Variants in SAMSN1 observed in about 807,000 individuals in gnomAD.
SAMSN1 encodes the protein SAM domain-containing protein SAMSN-1.
In SAMSN1, 31 loss-of-function variants were observed where a neutral mutation model predicts 42.0. The ratio of observed to expected loss-of-function variants is 0.74; its 90% CI spans 0.55 to 1.00. SAMSN1 has a LOEUF of 1.00. SAMSN1 is among the 50% of genes least tolerant of loss of function. The pLI is 0.00. For synonymous variants in SAMSN1, 178 were observed against 151.9 expected, an observed-to-expected ratio of 1.17 and a Z score of -1.26; for missense variants, 464 against 439.4, an observed-to-expected ratio of 1.06 and a Z score of -0.50.
chr21:14,513,872 G>A (rs1987794798), intron 3 of SAMSN1, among the ~76,000 whole-genome samples: 1 of 152,184 alleles, frequency 6.6e-6, no homozygotes. Flanking sequence ...TGAGAAAGGA[G>A]AATATTAGTG....
At chr21:14,648,485 C>A (rs983067341) in intron 1 of SAMSN1, among the ~76,000 whole-genome samples, 2 of 152,096 alleles carry the variant, frequency 1.3e-5, no homozygotes, top group Non-Finnish European at 2.9e-5. Context: ...AACAGGCAAC[C>A]TAAAAAATGG....
chr21:14,592,059 G>A (rs1982101573), intron 7 of SAMSN1: 1 of 152,134 alleles, frequency 6.6e-6, no homozygotes, highest in Non-Finnish European at 1.5e-5. Context: ...AGCTAGCTGG[G>A]AGTTGCCAGG....
chr21:14,628,453 A>G (rs1316169589), intron 2 of SAMSN1, among the ~76,000 whole-genome samples: 3 of 152,184 alleles, frequency 2.0e-5, no homozygotes, highest in Admixed American at 6.6e-5. Context: ...TTAAAATTAA[A>G]AAAAGAAAAA....
upstream of SAMSN1, among the ~76,000 whole-genome samples, chr21:14,587,310 T>G (rs1174776245): frequency 6.6e-6 from 1 of 152,214 alleles, no homozygotes; most frequent in Non-Finnish European, 1.5e-5. Context: ...CTATCAGCTT[T>G]CATCTCTACC....
chr21:14,566,525 C>A (rs1981123611), intron 2 of SAMSN1, among the ~76,000 whole-genome samples: 1 of 151,632 alleles, frequency 6.6e-6, no homozygotes, highest in African/African-American at 2.4e-5. Flanking sequence ...CTAATAAAAC[C>A]TTCCATATAT....
intron 2 of SAMSN1, chr21:14,619,765 T>G (rs1206905818): frequency 5.4e-6 from 1 of 186,032 alleles, no homozygotes; most frequent in Non-Finnish European, 1.3e-5. Flanking sequence ...ATGAAGTCCC[T>G]AAAACTCAGA....
At chr21:14,538,236 T>C (rs934773532) in intron 1 of SAMSN1, among the ~76,000 whole-genome samples, 1 of 152,100 alleles carries the variant, frequency 6.6e-6, no homozygotes, top group Non-Finnish European at 1.5e-5. Context: ...ATTACCTACA[T>C]TTTATATCAT....
At chr21:14,620,388 A>G (rs547014031) in intron 2 of SAMSN1, among the ~76,000 whole-genome samples, 6 of 152,160 alleles carry the variant, frequency 3.9e-5, no homozygotes, top group Non-Finnish European at 8.8e-5. Context: ...TCCTGCCACC[A>G]TGTGAAGAAG....
intron 5 of SAMSN1, among the ~76,000 whole-genome samples, chr21:14,503,538 A>T (rs1284592836): frequency 6.6e-6 from 1 of 152,198 alleles, no homozygotes; most frequent in African/African-American, 2.4e-5. Context: ...GTGTTGTTTG[A>T]TGCCTCTGAG....
chr21:14,565,573 AT>A (rs2123207681), intron 2 of SAMSN1, among the ~76,000 whole-genome samples: 1 of 152,272 alleles, frequency 6.6e-6, no homozygotes, highest in Non-Finnish European at 1.5e-5. Flanking sequence ...CTCCATCTAT[AT>A]ACCAAGCAGA....
intron 2 of SAMSN1, among the ~76,000 whole-genome samples, chr21:14,628,068 T>G (rs1983230032): frequency 6.6e-6 from 1 of 152,084 alleles, no homozygotes; most frequent in South Asian, 2.1e-4. Flanking sequence ...AGAAAGAAAT[T>G]TCTGCAATAA....
chr21:14,539,599 C>A (rs776577920), intron 1 of SAMSN1, among the ~76,000 whole-genome samples: 9 of 151,638 alleles, frequency 5.9e-5, no homozygotes, highest in South Asian at 2.1e-4. Context: ...ATGTGAAGGA[C>A]CTCTTCAAGG....
chr21:14,607,988 A>G (rs930646112), intron 5 of SAMSN1, among the ~76,000 whole-genome samples: 14 of 152,238 alleles, frequency 9.2e-5, no homozygotes, highest in Admixed American at 5.2e-4. Context: ...GTGGATGCAT[A>G]TAGCTGGCAT....
rs192992779 is a variant in SAMSN1, at chr21:14,607,976, G to T, written c.322+1506C>A. ...CAAATGTTTGATTAACTGACTGAAGGTGTGGATGCATATAGCTGGCATCCA... is the reference window on the plus strand; with the variant it reads ...CAAATGTTTGATTAACTGACTGAAGTTGTGGATGCATATAGCTGGCATCCA... On this transcript the variant is annotated intron_variant, in intron 5 of 15. Transcript: ENST00000647101. 7.7e-4 allele frequency among the ~76,000 whole-genome samples: 118 copies of T among 152,312 alleles called. 1 individual carries two copies. The South Asian group carries it at 8.3e-3, about 11-fold the overall frequency.
intron 5 of SAMSN1, chr21:14,602,237 T>C (rs1041541035): frequency 5.8e-6 from 2 of 344,750 alleles, no homozygotes; most frequent in African/African-American, 4.2e-5. Context: ...TTTTTTTTGT[T>C]AAATATATGC....
At position 14,593,538 on chromosome 21, in the gene SAMSN1, CT is replaced by C. The variant is rs1379291686; in HGVS notation, c.465+474del. Among the ~76,000 whole-genome samples the C allele has an allele frequency of 7.4e-4, 112 of 152,190 alleles. 1 individual carries two copies. Among genetic ancestry groups the C allele is most frequent in the Admixed American group, 7.3e-3 (111 of 15,274 alleles). ...AAGGGAGAGCTGGCACACAGAGATA[CT>C]TTTTAAAAAATGGTTTTACTATATT... On this transcript the variant is annotated intron_variant, in intron 7 of 15. Transcript: ENST00000647101.
At chr21:14,512,689 AGGATAAAATAC>A in intron 3 of SAMSN1, 116 bp from the exon 4 acceptor site, 5 of 952,376 alleles carry the variant, frequency 5.3e-6, no homozygotes, top group Non-Finnish European at 4.7e-6. Context: ...AGGATACATA[AGGATAAAATAC>A]AAAAGTAGTT....
chr21:14,582,801 A>G (rs1044260490), intron 1 of SAMSN1, among the ~76,000 whole-genome samples: 13 of 152,062 alleles, frequency 8.5e-5, no homozygotes, highest in Non-Finnish European at 1.6e-4. Flanking sequence ...AAAAAATACA[A>G]TTAAAAAACC....
chr21:14,590,905 T>G (rs1213623088), intron 7 of SAMSN1, among the ~76,000 whole-genome samples: 4 of 152,192 alleles, frequency 2.6e-5, no homozygotes, highest in African/African-American at 9.7e-5. Flanking sequence ...AATAAACATT[T>G]AGAAACTCAA....
Sources: allele counts gnomAD v4.1 joint callset (sites outside exome capture counted in the v4.1 genomes callset), GRCh38; gene constraint gnomAD v4.1.1; transcripts MANE v1.5; gene names NCBI Gene and HGNC (gene_info 2026-07-23, HGNC 2026-07-21).